WDR1: variants seen among roughly 807,000 people sequenced by gnomAD.
The protein encoded by WDR1 is WD repeat-containing protein 1.
In WDR1, 21 loss-of-function variants were observed where a neutral mutation model predicts 71.9. The observed-to-expected ratio is 0.29, with a 90% CI of 0.21 to 0.42. The LOEUF (loss-of-function observed/expected upper bound fraction) is 0.42, where lower values mean the gene tolerates loss of function less well. Ranked by LOEUF, WDR1 falls within the 10% of genes least tolerant of loss-of-function variation. The pLI is 1.00. For missense variants in WDR1, 696 were observed against 824.5 expected (o/e 0.84, Z 1.91); for synonymous variants, 424 against 347.4 (o/e 1.22, Z -2.45).
chr4:10,088,014 C>A, intron 7 of WDR1, 74 bp from the exon 8 acceptor site: 3 of 1,375,966 alleles, frequency 2.2e-6, no homozygotes, highest in Admixed American at 2.2e-5. Context: ...AGCAGCTTGT[C>A]CACTGCGACT....
rs1371273762 is a variant in WDR1 at position 10,082,900 on chromosome 4, G to C, written c.1196+122C>G. The C allele has an allele frequency of 7.9e-6, 10 of 1,260,232 alleles. 1 individual carries two copies. The highest frequency in any genetic ancestry group is 1.6e-5 in the South Asian group (1 of 64,218). The allele number at this position is 1,260,232 out of a possible 1,614,324, so 78.1% of individuals were successfully genotyped here. A position where few individuals can be genotyped will look rare whatever the true frequency, so the allele number is the denominator to read the frequency against. ...ACAACAGGAGAACAATGCTGGGGAC[G>C]GGGTGGGAGAGATGAAAGGAGCAAG... On this transcript the variant is annotated intron_variant, in intron 10 of 14. Coordinates refer to ENST00000499869, the MANE Select transcript of WDR1 (RefSeq NM_017491.5).
chr4:10,084,995 C>A (rs1578421848), intron 8 of WDR1, among the ~76,000 whole-genome samples: 2 of 152,350 alleles, frequency 1.3e-5, no homozygotes, highest in East Asian at 1.9e-4. Context: ...GGAGTGCTGG[C>A]CCTGCTGAGG....
In WDR1 at chr4:10,081,441, T is replaced by C; in HGVS notation, c.1200A>G (p.Gly400=). ...GAACGTCCAGTTTCACAACTCCTTGTCCGCTGTTAGAGAGAAAGGAAGCAC... is the reference window on the plus strand; with the variant it reads ...GAACGTCCAGTTTCACAACTCCTTGCCCGCTGTTAGAGAGAAAGGAAGCAC... The part of the protein sequence containing the change: ...YTSLMLRDYS[G]QGVVKLDVQP... The change falls in exon 11 of 15, where the codon GGA becomes GGG. Residue 400 remains glycine, a synonymous_variant. Coordinates refer to ENST00000499869, the MANE Select transcript of WDR1 (RefSeq NM_017491.5). 3 of 1,613,772 alleles carry C rather than the reference T, an allele frequency of 1.9e-6. No homozygotes were observed. Among genetic ancestry groups the C allele is most frequent in the Non-Finnish European group, 2.5e-6 (3 of 1,179,780 alleles).
Position 10,087,939 on chromosome 4 carries a change from ATCTATTC to A in WDR1, c.718-6_718del, listed in dbSNP as rs1483474900. The A allele has an allele frequency of 6.4e-7, 1 of 1,550,766 alleles. No individual in the cohort carries two copies. Among genetic ancestry groups the A allele is most frequent in the Non-Finnish European group, 8.7e-7 (1 of 1,146,476 alleles). On this transcript the variant is annotated splice_acceptor_variant and splice_polypyrimidine_tract_variant and coding_sequence_variant and intron_variant, in exon 8 of 15. Coordinates refer to ENST00000499869, the MANE Select transcript of WDR1 (RefSeq NM_017491.5). LOFTEE classifies it high-confidence loss of function. ...ATGGGTGCTGTCGGGACTCCAACTA[ATCTATTC>A]AGAAAAAAGCAGTGTGTCATGTGCC... is the stretch of plus-strand genomic sequence containing the variant.
chr4:10,109,692 T>C (rs1489116740), intron 2 of WDR1, among the ~76,000 whole-genome samples: 1 of 152,128 alleles, frequency 6.6e-6, no homozygotes, highest in African/African-American at 2.4e-5. Flanking sequence ...ACCACCTCCG[T>C]TTTCAGTCTT....
rs534602795 is a variant in WDR1 at position 10,093,445 on chromosome 4, C to A, written c.558+4266G>T. Among the ~76,000 whole-genome samples, 5 of 152,248 alleles carry A rather than the reference C, an allele frequency of 3.3e-5. No individual in the cohort carries two copies. In the East Asian group the frequency reaches 9.6e-4, roughly 29 times the overall value. On this transcript the variant is annotated intron_variant, in intron 5 of 14. Transcript: ENST00000499869. ...ACCATCCTTCAGCCCACCCATCCCC[C>A]GCAGCAAACTTCCCTGCAAAGTGCC...
intron 5 of WDR1, among the ~76,000 whole-genome samples, chr4:10,096,911 A>C (rs1247287087): frequency 1.3e-5 from 2 of 152,218 alleles, no homozygotes; most frequent in Non-Finnish European, 2.9e-5. Context: ...CAGCGCAAGC[A>C]CAAGCGGGAT....
rs148754120 is a variant in WDR1, at chr4:10,092,748, G to A, written c.559-4007C>T. 3.1e-4 allele frequency: 82 copies of A among 262,380 alleles called. 1 individual carries two copies. The East Asian group carries it at 5.3e-3, about 17-fold the overall frequency. The allele number at this position is 262,380 out of a possible 1,614,324, so 16.3% of individuals were successfully genotyped here. A position where few individuals can be genotyped will look rare whatever the true frequency, so the allele number is the denominator to read the frequency against. ...GGGCTAAAAATAGCCCTTTCCACAC[G>A]GAGGCCCGGCCAGTGAACAAAGAGG... is the stretch of plus-strand genomic sequence containing the variant. On this transcript the variant is annotated intron_variant, in intron 5 of 14. Coordinates refer to ENST00000499869, the MANE Select transcript of WDR1 (RefSeq NM_017491.5).
Position 10,081,444 on chromosome 4 carries a change from G to A in WDR1, c.1197C>T (p.Ser399=), listed in dbSNP as rs374886428. The part of the protein sequence containing the change: ...RYTSLMLRDY[S]GQGVVKLDVQ... The stretch of plus-strand genomic sequence containing the variant: ...CGTCCAGTTTCACAACTCCTTGTCC[G>A]CTGTTAGAGAGAAAGGAAGCACATT... The change falls in exon 11 of 15, where the codon AGC becomes AGT. Residue 399 remains serine, a splice_region_variant and synonymous_variant. Coordinates refer to ENST00000499869, the MANE Select transcript of WDR1 (RefSeq NM_017491.5). 9.9e-6 allele frequency: 16 copies of A among 1,613,550 alleles called. No homozygotes were observed. The highest frequency in any genetic ancestry group is 6.7e-5 in the African/African-American group (5 of 74,872).
intron 5 of WDR1, among the ~76,000 whole-genome samples, chr4:10,095,148 C>G (rs2278123): frequency 0.55 from 84,015 of 152,094 alleles, 24,186 homozygotes; most frequent in Non-Finnish European, 0.64. Context: ...TCTCAGGAGG[C>G]GAGGGGCGGC....
intron 3 of WDR1, among the ~76,000 whole-genome samples, chr4:10,101,760 C>A (rs1023170381): frequency 2.0e-5 from 3 of 152,272 alleles, no homozygotes; most frequent in Non-Finnish European, 2.9e-5. Context: ...AGGGCACGGA[C>A]AATGTGCCAG....
rs1382537833 is a variant in WDR1 at position 10,077,897 on chromosome 4, C to T, written c.1425G>A (p.Leu475=). Residue 475 remains leucine (L), a synonymous_variant, in exon 13 of 15, where the codon CTG becomes CTA. Transcript: ENST00000499869. The part of the protein sequence containing the change: ...VDGNVRLYSI[L]GTTLKDEGKL... ...TGCCCTCATCCTTCAGCGTGGTGCC[C>T]AGGATGGAATACAGGCGGACGTTGC... The T allele has an allele frequency of 1.9e-6, 3 of 1,610,730 alleles. No homozygotes were observed. Among genetic ancestry groups the T allele is most frequent in the African/African-American group, 2.7e-5 (2 of 74,860 alleles).
chr4:10,103,046 A>G (rs717615), intron 3 of WDR1, among the ~76,000 whole-genome samples: 68,029 of 151,964 alleles, frequency 0.45, 15,657 homozygotes, highest in Admixed American at 0.54. Context: ...GCTCTGCGTC[A>G]AAGAACTAAG....
intron 8 of WDR1, 117 bp from the exon 9 acceptor site, chr4:10,084,647 T>C (rs1765141573): frequency 5.3e-6 from 5 of 934,598 alleles, no homozygotes; most frequent in South Asian, 4.2e-5. Flanking sequence ...CCTCAATCCA[T>C]GGCAGTGCAG....
intron 2 of WDR1, among the ~76,000 whole-genome samples, chr4:10,111,742 T>C (rs917371564): frequency 1.3e-5 from 2 of 152,062 alleles, no homozygotes; most frequent in Non-Finnish European, 2.9e-5. Flanking sequence ...GTCCTCTGCA[T>C]GTGAATGGTG....
chr4:10,107,767 C>A (rs1713108329), intron 2 of WDR1, among the ~76,000 whole-genome samples: 1 of 152,182 alleles, frequency 6.6e-6, no homozygotes, highest in Non-Finnish European at 1.5e-5. Flanking sequence ...ATGAAGGACA[C>A]CAGCCAGCAA....
chr4:10,103,843 G>C, intron 3 of WDR1, 53 bp downstream of exon 3: 1 of 1,308,876 alleles, frequency 7.6e-7, no homozygotes, highest in Non-Finnish European at 1.0e-6. Context: ...CCTGGGCCCT[G>C]AGCGCCACCC....
intron 2 of WDR1, among the ~76,000 whole-genome samples, chr4:10,108,844 C>T (rs990442167): frequency 6.6e-6 from 1 of 152,238 alleles, no homozygotes; most frequent in Non-Finnish European, 1.5e-5. Flanking sequence ...TCTCTCCCAC[C>T]CTGAACCCCC....
chr4:10,088,208 C>G (rs1249951171), intron 7 of WDR1, 85 bp downstream of exon 7: 20 of 1,343,598 alleles, frequency 1.5e-5, no homozygotes, highest in Non-Finnish European at 2.1e-5. Flanking sequence ...AAGTTTTTGT[C>G]TAACTCCGGA....
Sources: gnomAD v4.1 joint callset for allele counts (sites outside exome capture counted in the v4.1 genomes callset) on GRCh38, gnomAD v4.1.1 for gene constraint, MANE v1.5 for transcripts, NCBI Gene and HGNC (gene_info 2026-07-23, HGNC 2026-07-21) for gene names.